Variants in GRM1 observed in about 807,000 individuals in gnomAD.
GRM1 encodes the protein metabotropic glutamate receptor 1.
A neutral mutation model predicts 90.9 loss-of-function variants in GRM1; 33 were observed. The observed-to-expected ratio is 0.36, with a 90% confidence interval of 0.28 to 0.49. The LOEUF is 0.49. Among genes scored for constraint, GRM1 ranks in the 20% least tolerant of loss-of-function variants. The probability of loss-of-function intolerance (pLI) is 0.99; values close to 1 mark genes in which losing one functional copy is unlikely to be tolerated. For synonymous variants in GRM1, 700 were observed against 613.2 expected (o/e 1.14, Z -2.09); for missense variants, 1,190 against 1,534.3 (o/e 0.78, Z 3.75).
At chr6:146,302,902 G>GAGGGAGGGAGGAAGGAAGGA (rs1783442280) in intron 2 of GRM1, among the ~76,000 whole-genome samples, 1 of 151,400 alleles carries the variant, frequency 6.6e-6, no homozygotes, top group Admixed American at 6.6e-5. Context: ...GGGAGGAAGG[G>GAGGGAGGGAGGAAGGAAGGA]AGGGAGGGAG....
chr6:146,121,460 AT>A (rs1171177633), intron 1 of GRM1, among the ~76,000 whole-genome samples: 1 of 151,294 alleles, frequency 6.6e-6, no homozygotes, highest in African/African-American at 2.4e-5. Flanking sequence ...GATCTTAGTT[AT>A]TTTTTCCCTT....
chr6:146,217,081 G>T (rs149226891), intron 2 of GRM1, among the ~76,000 whole-genome samples: 308 of 152,218 alleles, frequency 2.0e-3, no homozygotes, highest in African/African-American at 7.1e-3. Context: ...GGAGCCTTGT[G>T]GGATCTATAC....
At chr6:146,418,549 C>T (rs1010549543) in intron 7 of GRM1, among the ~76,000 whole-genome samples, 2 of 151,550 alleles carry the variant, frequency 1.3e-5, no homozygotes, top group African/African-American at 4.8e-5. Context: ...TATACATACA[C>T]ACTATTTTTA....
chr6:146,407,909 A>G (rs1391435893), intron 7 of GRM1, among the ~76,000 whole-genome samples: 1 of 152,178 alleles, frequency 6.6e-6, no homozygotes, highest in African/African-American at 2.4e-5. Context: ...ATGATAAGAA[A>G]CAGTATAATG....
chr6:146,377,652 T>A (rs1224916051), intron 5 of GRM1, among the ~76,000 whole-genome samples: 1 of 152,160 alleles, frequency 6.6e-6, no homozygotes, highest in African/African-American at 2.4e-5. Flanking sequence ...CTGCAGAAGT[T>A]TGCATAAGCA....
chr6:146,143,238 T>G (rs562645234), intron 1 of GRM1, among the ~76,000 whole-genome samples: 1 of 152,208 alleles, frequency 6.6e-6, no homozygotes, highest in Non-Finnish European at 1.5e-5. Flanking sequence ...TTCCATACCC[T>G]AATTTCCTTT....
intron 3 of GRM1, among the ~76,000 whole-genome samples, chr6:146,319,903 T>A (rs955895918): frequency 6.6e-6 from 1 of 152,220 alleles, no homozygotes; most frequent in Non-Finnish European, 1.5e-5. Flanking sequence ...AATCATGTCA[T>A]CTGCAAACAG....
intron 2 of GRM1, among the ~76,000 whole-genome samples, chr6:146,161,842 C>T (rs1777739953): frequency 6.6e-6 from 1 of 152,120 alleles, no homozygotes; most frequent in Non-Finnish European, 1.5e-5. Flanking sequence ...ATTTTCTCTC[C>T]CTTCCATGAC....
intron 1 of GRM1, among the ~76,000 whole-genome samples, chr6:146,097,658 T>G (rs1582997818): frequency 6.6e-6 from 1 of 152,208 alleles, no homozygotes; most frequent in African/African-American, 2.4e-5. Flanking sequence ...AAATGAATGC[T>G]CCAGCTTCAT....
At chr6:146,293,865 T>A (rs1359787738) in intron 2 of GRM1, among the ~76,000 whole-genome samples, 1 of 151,620 alleles carries the variant, frequency 6.6e-6, no homozygotes, top group Non-Finnish European at 1.5e-5. Flanking sequence ...TTTATTGGCT[T>A]GGAGTTAAAA....
At chr6:146,058,299 C>T (rs1182112835) in intron 1 of GRM1, among the ~76,000 whole-genome samples, 2 of 152,030 alleles carry the variant, frequency 1.3e-5, no homozygotes, top group Non-Finnish European at 2.9e-5. Context: ...CAGTCCTAGA[C>T]CACTGCAATA....
Position 146,321,235 on chromosome 6 carries a change from T to C in GRM1, c.1186+16389T>C, listed in dbSNP as rs1038269266. On this transcript the variant is annotated intron_variant, in intron 3 of 7. Transcript: ENST00000282753. ...TGCCTTAATTTAGTTATATACCCAG[T>C]AGTCATTCAGGAGCAGGTTGTTCAG... is the stretch of plus-strand genomic sequence containing the variant. Among the ~76,000 whole-genome samples, 4 of 152,180 alleles carry C rather than the reference T, an allele frequency of 2.6e-5. No homozygotes were observed. In the East Asian group the frequency reaches 7.7e-4, roughly 29 times the overall value.
At chr6:146,164,725 C>T (rs888349527) in intron 2 of GRM1, among the ~76,000 whole-genome samples, 15 of 152,060 alleles carry the variant, frequency 9.9e-5, no homozygotes, top group Admixed American at 9.8e-4. Flanking sequence ...ACACACTATT[C>T]TTTCAGGGTG....
intron 2 of GRM1, among the ~76,000 whole-genome samples, chr6:146,300,422 T>C (rs1225696609): frequency 1.3e-5 from 2 of 152,206 alleles, no homozygotes; most frequent in Non-Finnish European, 2.9e-5. Flanking sequence ...ATGTATAAGA[T>C]AGAAGAAATC....
intron 7 of GRM1, among the ~76,000 whole-genome samples, chr6:146,407,721 A>C (rs1404382237): frequency 6.6e-6 from 1 of 152,156 alleles, no homozygotes; most frequent in Non-Finnish European, 1.5e-5. Flanking sequence ...AAATGGGGCC[A>C]AAAATCATTG....
chr6:146,297,199 C>T (rs924381393), intron 2 of GRM1, among the ~76,000 whole-genome samples: 22 of 149,556 alleles, frequency 1.5e-4, no homozygotes, highest in South Asian at 4.2e-4. Flanking sequence ...CTCACTCTTT[C>T]GCTCAGGCTG....
chr6:146,166,711 T>G (rs1391907324), intron 2 of GRM1, among the ~76,000 whole-genome samples: 1 of 152,098 alleles, frequency 6.6e-6, no homozygotes, highest in Non-Finnish European at 1.5e-5. Context: ...TAGAGTTGCC[T>G]GGGGCCTACC....
rs2128834370 is a variant in GRM1, at chr6:146,029,874, C to T, written c.357C>T (p.Ser119=). The change falls in exon 1 of 8, where the codon AGC becomes AGT. Residue 119 remains serine, a synonymous_variant. Transcript: ENST00000282753. Reference sequence around the variant, plus strand: ...ACTCTTCCGTGGCTCTGGAACAGAGCATTGAGTTCATTAGGGACTCTCTGA... The same window carrying T: ...ACTCTTCCGTGGCTCTGGAACAGAGTATTGAGTTCATTAGGGACTCTCTGA... ...CWHSSVALEQ[S]IEFIRDSLIS... 6.2e-7 allele frequency: 1 copy of T among 1,614,106 alleles called. No homozygotes were observed. Among genetic ancestry groups the T allele is most frequent in the East Asian group, 2.2e-5 (1 of 44,856 alleles).
At chr6:146,411,637 A>C (rs116599396) in intron 7 of GRM1, among the ~76,000 whole-genome samples, 2,214 of 152,296 alleles carry the variant, frequency 0.015, 51 homozygotes, top group African/African-American at 0.05. Context: ...GGAGACTGGT[A>C]CAGGGTCCAG....
Sources: allele counts gnomAD v4.1 joint callset (sites outside exome capture counted in the v4.1 genomes callset), GRCh38; gene constraint gnomAD v4.1.1; transcripts MANE v1.5; gene names NCBI Gene and HGNC (gene_info 2026-07-23, HGNC 2026-07-21).